Variants in PHTF2 observed in about 807,000 individuals in gnomAD.
PHTF2 encodes putative homeodomain transcription factor 2.
Under a neutral mutation model 101.2 loss-of-function variants are expected in PHTF2, and 60 were observed. The ratio of observed to expected loss-of-function variants is 0.59; its 90% CI spans 0.48 to 0.73. The LOEUF (loss-of-function observed/expected upper bound fraction) is 0.73. PHTF2 is among the 30% of genes least tolerant of loss of function. The pLI is 0.00. For synonymous variants in PHTF2, 311 were observed against 307.3 expected, an observed-to-expected ratio of 1.01 and a Z score of -0.13; for missense variants, 747 against 908.7, an observed-to-expected ratio of 0.82 and a Z score of 2.29.
rs959613683 is a variant in PHTF2 at position 77,866,819 on chromosome 7, G to T, written c.147+11985G>T. Among the ~76,000 whole-genome samples, 13 of 152,266 alleles carry T rather than the reference G, an allele frequency of 8.5e-5. No homozygotes were observed. In the East Asian group the frequency reaches 2.5e-3, roughly 29 times the overall value. On this transcript the variant is annotated intron_variant, in intron 3 of 19. Coordinates refer to ENST00000416283, the Ensembl canonical transcript of PHTF2. The stretch of plus-strand genomic sequence containing the variant: ...TAAACTATTAGAAATATGTAAACAA[G>T]GATGGTGCTGTAGCCTTGATTTATA...
intron 1 of PHTF2, among the ~76,000 whole-genome samples, chr7:77,803,119 A>G (rs76866789): frequency 0.038 from 5,813 of 152,304 alleles, 387 homozygotes; most frequent in African/African-American, 0.13. Flanking sequence ...GTTTTAGAGC[A>G]CTAGGAATGA....
intron 16 of PHTF2, among the ~76,000 whole-genome samples, chr7:77,945,287 A>C (rs1805958438): frequency 6.6e-6 from 1 of 152,196 alleles, no homozygotes; most frequent in Non-Finnish European, 1.5e-5. Flanking sequence ...GCAGTGAGCC[A>C]AGGTCACGCC....
chr7:77,826,421 G>C (rs909715561), intron 1 of PHTF2, among the ~76,000 whole-genome samples: 1 of 152,132 alleles, frequency 6.6e-6, no homozygotes, highest in African/African-American at 2.4e-5. Flanking sequence ...AAAAAGTATG[G>C]AAATAGTCAG....
At chr7:77,893,912 C>G (rs375667532) in intron 4 of PHTF2, 70 bp from the exon 4 acceptor site, 5 of 1,084,156 alleles carry the variant, frequency 4.6e-6, no homozygotes, top group Non-Finnish European at 7.1e-6. Context: ...GCTTTTTTCC[C>G]CTTTCACTTG....
At chr7:77,901,030 A>G (rs1447411850) in intron 6 of PHTF2, among the ~76,000 whole-genome samples, 1 of 152,230 alleles carries the variant, frequency 6.6e-6, no homozygotes, top group Non-Finnish European at 1.5e-5. Context: ...GACCAGGCAC[A>G]TCACATGGCC....
In PHTF2 at chr7:77,820,205, A is replaced by G. The variant is rs546105174; in HGVS notation, c.-35-20016A>G. On this transcript the variant is annotated intron_variant, in intron 1 of 19. Coordinates refer to ENST00000416283, the Ensembl canonical transcript of PHTF2. ...CACCCGGCTTGGGAGACATTTTATTACTGATTCAATCTGGTTACTTGTTAT... is the reference window on the plus strand; with the variant it reads ...CACCCGGCTTGGGAGACATTTTATTGCTGATTCAATCTGGTTACTTGTTAT... Among the ~76,000 whole-genome samples, 6 of 152,080 alleles carry G rather than the reference A, an allele frequency of 3.9e-5. No homozygotes were observed. In the East Asian group the frequency reaches 1.2e-3, roughly 29 times the overall value.
chr7:77,951,550 A>G (rs1414821528), intron 17 of PHTF2, 67 bp from the exon 17 acceptor site: 2 of 682,676 alleles, frequency 2.9e-6, no homozygotes, highest in Non-Finnish European at 4.9e-6. Flanking sequence ...TTGAGTGAAT[A>G]TCTTTCAAGT....
intron 3 of PHTF2, among the ~76,000 whole-genome samples, chr7:77,881,021 A>G (rs1799367729): frequency 6.6e-6 from 1 of 152,214 alleles, no homozygotes; most frequent in South Asian, 2.1e-4. Context: ...CTAGTGGACA[A>G]TATATTCTGT....
chr7:77,898,463 T>C (rs1314332971), intron 5 of PHTF2, among the ~76,000 whole-genome samples: 2 of 152,240 alleles, frequency 1.3e-5, no homozygotes, highest in East Asian at 1.9e-4. Flanking sequence ...AAGTTTTGTT[T>C]AAATATATGT....
At chr7:77,866,988 G>A (rs1207498195) in intron 3 of PHTF2, among the ~76,000 whole-genome samples, 1 of 152,134 alleles carries the variant, frequency 6.6e-6, no homozygotes, top group Non-Finnish European at 1.5e-5. Flanking sequence ...GAAGCATTAG[G>A]TAATAGCCAG....
chr7:77,887,532 A>G (rs1799975921), intron 3 of PHTF2, among the ~76,000 whole-genome samples: 1 of 152,202 alleles, frequency 6.6e-6, no homozygotes, highest in South Asian at 2.1e-4. Flanking sequence ...TTAAGACTTC[A>G]GTCTTCTCAG....
chr7:77,930,023 G>A (rs1473388804), intron 12 of PHTF2, among the ~76,000 whole-genome samples: 1 of 130,584 alleles, frequency 7.7e-6, no homozygotes, highest in Non-Finnish European at 1.5e-5. Flanking sequence ...GCACGATCTT[G>A]ACTCACTGCA....
intron 1 of PHTF2, among the ~76,000 whole-genome samples, chr7:77,804,139 C>A (rs1281900943): frequency 6.6e-6 from 1 of 151,960 alleles, no homozygotes; most frequent in Non-Finnish European, 1.5e-5. Flanking sequence ...GCAAGTAATC[C>A]TGGGGGATAG....
chr7:77,933,673 A>G (rs1303206438), intron 12 of PHTF2, among the ~76,000 whole-genome samples: 1 of 151,870 alleles, frequency 6.6e-6, no homozygotes, highest in Non-Finnish European at 1.5e-5. Flanking sequence ...CTATTTTCCC[A>G]GAGATAACTA....
At chr7:77,922,071 A>G (rs562526534) in intron 10 of PHTF2, among the ~76,000 whole-genome samples, 142 of 130,778 alleles carry the variant, frequency 1.1e-3, no homozygotes, top group African/African-American at 4.0e-3. Flanking sequence ...TGCCCAGGCC[A>G]GAGTTCAGTG....
At chr7:77,916,308 G>A (rs982236214) in intron 9 of PHTF2, among the ~76,000 whole-genome samples, 1 of 152,080 alleles carries the variant, frequency 6.6e-6, no homozygotes, top group Non-Finnish European at 1.5e-5. Context: ...GGCAACAGGA[G>A]GAATTATTTA....
At chr7:77,954,638 A>ATATATATATATATATAT (rs1562982915) in intron 19 of PHTF2, among the ~76,000 whole-genome samples, 1 of 139,090 alleles carries the variant, frequency 7.2e-6, no homozygotes, top group African/African-American at 2.5e-5. Context: ...ATATATATAT[A>ATATATATATATATATAT]TATATATAGC....
intron 9 of PHTF2, among the ~76,000 whole-genome samples, chr7:77,911,345 CA>C (rs1403369944): frequency 2.0e-5 from 3 of 150,816 alleles, no homozygotes; most frequent in African/African-American, 7.3e-5. Flanking sequence ...GAAGACTTAC[CA>C]AATAGGAAAA....
chr7:77,868,015 T>A (rs1798206445), intron 3 of PHTF2, among the ~76,000 whole-genome samples: 1 of 152,220 alleles, frequency 6.6e-6, no homozygotes, highest in African/African-American at 2.4e-5. Flanking sequence ...ATCATAAATA[T>A]ACCCATTAAT....
Sources: gnomAD v4.1 joint callset for allele counts (sites outside exome capture counted in the v4.1 genomes callset) on GRCh38, gnomAD v4.1.1 for gene constraint, MANE v1.5 for transcripts, NCBI Gene and HGNC (gene_info 2026-07-23, HGNC 2026-07-21) for gene names.